UNC5D: variants seen among roughly 807,000 people sequenced by gnomAD.
UNC5D encodes netrin receptor UNC5D.
A neutral mutation model predicts 105.4 loss-of-function variants in UNC5D; 39 were observed. That is an observed-to-expected ratio of 0.37 (90% CI 0.29 to 0.48). UNC5D has a LOEUF of 0.48. UNC5D is among the 20% of genes least tolerant of loss of function. The probability of loss-of-function intolerance (pLI) is 0.98; values close to 1 mark genes in which losing one functional copy is unlikely to be tolerated. For synonymous variants in UNC5D, 452 were observed against 450.4 expected, an observed-to-expected ratio of 1.00 and a Z score of -0.04; for missense variants, 991 against 1,202.4, an observed-to-expected ratio of 0.82 and a Z score of 2.60.
At chr8:35,345,763 A>T (rs1811766259) in intron 1 of UNC5D, among the ~76,000 whole-genome samples, 1 of 152,066 alleles carries the variant, frequency 6.6e-6, no homozygotes, top group African/African-American at 2.4e-5. Flanking sequence ...ATAAAAACTC[A>T]TGCATGAAAG....
At chr8:35,643,135 G>T (rs552224744) in intron 4 of UNC5D, among the ~76,000 whole-genome samples, 3 of 151,958 alleles carry the variant, frequency 2.0e-5, no homozygotes, top group South Asian at 4.1e-4. Flanking sequence ...TCTTTGTTGT[G>T]GGGGGGCTGT....
intron 1 of UNC5D, among the ~76,000 whole-genome samples, chr8:35,303,727 G>T (rs577947077): frequency 1.3e-5 from 2 of 152,224 alleles, no homozygotes; most frequent in South Asian, 4.1e-4. Flanking sequence ...CTTGTTTATG[G>T]GTTTTGAAGA....
chr8:35,494,441 T>C (rs1202436764), intron 1 of UNC5D, among the ~76,000 whole-genome samples: 2 of 152,308 alleles, frequency 1.3e-5, no homozygotes, highest in African/African-American at 4.8e-5. Context: ...TTCTAGAAAC[T>C]TTACTTCTGC....
chr8:35,338,175 AGTGACCATTTAGGAT>A (rs1318429641), intron 1 of UNC5D, among the ~76,000 whole-genome samples: 1 of 152,176 alleles, frequency 6.6e-6, no homozygotes, highest in African/African-American at 2.4e-5. Flanking sequence ...TGGAGAAGTA[AGTGACCATTTAGGAT>A]GTAGAAATTG....
intron 1 of UNC5D, among the ~76,000 whole-genome samples, chr8:35,538,517 A>T (rs1815038636): frequency 6.8e-6 from 1 of 147,592 alleles, no homozygotes; most frequent in South Asian, 2.2e-4. Context: ...TTTGAATTTG[A>T]ATTTTGGAAA....
chr8:35,352,833 A>G (rs968782256), intron 1 of UNC5D, among the ~76,000 whole-genome samples: 39 of 152,018 alleles, frequency 2.6e-4, no homozygotes, highest in African/African-American at 9.2e-4. Flanking sequence ...GTCTGGTCTC[A>G]GACTCCTGAT....
At chr8:35,359,501 T>C (rs957894371) in intron 1 of UNC5D, among the ~76,000 whole-genome samples, 1 of 152,222 alleles carries the variant, frequency 6.6e-6, no homozygotes, top group Non-Finnish European at 1.5e-5. Flanking sequence ...CAATCTTGTA[T>C]GTGAACACCA....
chr8:35,698,968 T>A (rs907589363), intron 7 of UNC5D, among the ~76,000 whole-genome samples: 1 of 152,176 alleles, frequency 6.6e-6, no homozygotes, highest in South Asian at 2.1e-4. Context: ...GAAAAAGGAC[T>A]TTATTATGCA....
At chr8:35,322,727 T>C (rs1299461196) in intron 1 of UNC5D, among the ~76,000 whole-genome samples, 1 of 152,236 alleles carries the variant, frequency 6.6e-6, no homozygotes, top group Admixed American at 6.5e-5. Context: ...TTCCTATTTA[T>C]AGGTAACTTA....
At chr8:35,270,413 T>C (rs1290264092) in intron 1 of UNC5D, among the ~76,000 whole-genome samples, 1 of 152,200 alleles carries the variant, frequency 6.6e-6, no homozygotes, top group Non-Finnish European at 1.5e-5. Flanking sequence ...GGAATCATTC[T>C]CTCCCGATTG....
At chr8:35,294,914 A>G (rs533263839) in intron 1 of UNC5D, among the ~76,000 whole-genome samples, 1 of 152,232 alleles carries the variant, frequency 6.6e-6, no homozygotes, top group East Asian at 1.9e-4. Context: ...AGTTTATGGC[A>G]TTGTACTAAA....
intron 8 of UNC5D, among the ~76,000 whole-genome samples, chr8:35,719,392 T>A (rs1034411026): frequency 6.6e-6 from 1 of 151,584 alleles, no homozygotes; most frequent in African/African-American, 2.4e-5. Context: ...AAGAATGAGG[T>A]GAAGTACAAC....
At chr8:35,568,602 T>A (rs1334662393) in intron 3 of UNC5D, among the ~76,000 whole-genome samples, 1 of 152,190 alleles carries the variant, frequency 6.6e-6, no homozygotes, top group Non-Finnish European at 1.5e-5. Flanking sequence ...GGCAAGAGAA[T>A]CGCTTGAACC....
intron 4 of UNC5D, among the ~76,000 whole-genome samples, chr8:35,683,262 C>T (rs1025834746): frequency 6.6e-6 from 1 of 152,176 alleles, no homozygotes; most frequent in Admixed American, 6.5e-5. Flanking sequence ...ATTGCAGTCA[C>T]CTCTTTTCTC....
intron 4 of UNC5D, among the ~76,000 whole-genome samples, chr8:35,618,821 C>T (rs142260835): frequency 1.5e-3 from 223 of 152,242 alleles, no homozygotes; most frequent in African/African-American, 5.2e-3. Flanking sequence ...TTAATTACTG[C>T]GTGCCATGAA....
chr8:35,569,524 T>C (rs1405233276), intron 3 of UNC5D, among the ~76,000 whole-genome samples: 5 of 152,220 alleles, frequency 3.3e-5, no homozygotes, highest in African/African-American at 1.2e-4. Flanking sequence ...CTACTGGCAA[T>C]TTGGGGAGGC....
intron 16 of UNC5D, among the ~76,000 whole-genome samples, chr8:35,777,447 T>C (rs1003028507): frequency 6.6e-6 from 1 of 152,170 alleles, no homozygotes; most frequent in African/African-American, 2.4e-5. Flanking sequence ...CCTCATACAG[T>C]TAACATATCA....
At chr8:35,780,075 G>C (rs1414698262) in intron 16 of UNC5D, among the ~76,000 whole-genome samples, 1 of 152,156 alleles carries the variant, frequency 6.6e-6, no homozygotes, top group Admixed American at 6.5e-5. Context: ...CGCCACAATG[G>C]AAGAAAGGAT....
chr8:35,669,674 T>C (rs1295854073), intron 4 of UNC5D, among the ~76,000 whole-genome samples: 2 of 152,146 alleles, frequency 1.3e-5, no homozygotes, highest in African/African-American at 2.4e-5. Context: ...CTATACATTA[T>C]ATCAAAAGTG....
Sources: gnomAD v4.1 joint callset for allele counts (sites outside exome capture counted in the v4.1 genomes callset) on GRCh38, gnomAD v4.1.1 for gene constraint, MANE v1.5 for transcripts, NCBI Gene and HGNC (gene_info 2026-07-23, HGNC 2026-07-21) for gene names.